The following CADPS2 variants were observed in gnomAD, a reference collection of about 807,000 sequenced individuals.
The protein encoded by CADPS2 is calcium dependent secretion activator 2.
Under a neutral mutation model 172.5 loss-of-function variants are expected in CADPS2, and 93 were observed. That is an observed-to-expected ratio of 0.54 (90% CI 0.46 to 0.64). The LOEUF (loss-of-function observed/expected upper bound fraction) is 0.64. CADPS2 is among the 30% of genes least tolerant of loss of function. CADPS2 has a pLI of 0.00. For missense variants in CADPS2, 1,420 were observed against 1,565.9 expected, an observed-to-expected ratio of 0.91 and a Z score of 1.57; for synonymous variants, 546 against 555.2, an observed-to-expected ratio of 0.98 and a Z score of 0.23.
At chr7:122,531,675 A>G (rs2061766902) in intron 8 of CADPS2, among the ~76,000 whole-genome samples, 1 of 152,176 alleles carries the variant, frequency 6.6e-6, no homozygotes, top group Non-Finnish European at 1.5e-5. Context: ...AGAGGATCAA[A>G]TGACCCAATA....
At position 122,700,980 on chromosome 7, in the gene CADPS2, C is replaced by G. The variant is rs78062341; in HGVS notation, c.453+35975G>C. On this transcript the variant is annotated intron_variant, in intron 2 of 29. Transcript: ENST00000449022. The stretch of plus-strand genomic sequence containing the variant: ...GTGAGTAGCTTTGGAAACTAGATTT[C>G]CTGGGTATTAATAAAATTAATTAAC... Among the ~76,000 whole-genome samples, 182 of 152,026 alleles carry G rather than the reference C, an allele frequency of 1.2e-3. 2 individuals carry two copies. Among genetic ancestry groups the G allele is most frequent in the East Asian group, 0.011 (57 of 5,160 alleles).
At chr7:122,827,992 G>A (rs1405876320) in intron 1 of CADPS2, among the ~76,000 whole-genome samples, 3 of 152,146 alleles carry the variant, frequency 2.0e-5, no homozygotes, top group African/African-American at 7.2e-5. Flanking sequence ...TATCAACACT[G>A]GCTTGAGAGG....
At chr7:122,618,395 G>C (rs192435568) in intron 5 of CADPS2, among the ~76,000 whole-genome samples, 1 of 151,798 alleles carries the variant, frequency 6.6e-6, no homozygotes, top group Admixed American at 6.6e-5. Flanking sequence ...TTATATTCTA[G>C]TAGAGAAAGC....
At chr7:122,335,242 T>C (rs2035660652) in intron 28 of CADPS2, among the ~76,000 whole-genome samples, 1 of 152,224 alleles carries the variant, frequency 6.6e-6, no homozygotes, top group Admixed American at 6.5e-5. Flanking sequence ...TCATTAAACT[T>C]ATACATTTAT....
chr7:122,500,073 C>T (rs1188307030), intron 9 of CADPS2, among the ~76,000 whole-genome samples: 1 of 152,180 alleles, frequency 6.6e-6, no homozygotes, highest in African/African-American at 2.4e-5. Context: ...TCCAGCAAGA[C>T]TCACCCACTT....
intron 3 of CADPS2, among the ~76,000 whole-genome samples, chr7:122,662,415 C>T (rs1206845031): frequency 6.9e-6 from 1 of 145,396 alleles, no homozygotes; most frequent in Non-Finnish European, 1.5e-5. Flanking sequence ...CTTACTTTGT[C>T]ACCAGGCTGG....
chr7:122,877,169 C>T (rs1381624124), intron 1 of CADPS2, among the ~76,000 whole-genome samples: 1 of 152,022 alleles, frequency 6.6e-6, no homozygotes. Context: ...CAAAACTAGG[C>T]ATTCACCTCT....
At chr7:122,578,704 A>T (rs993358949) in intron 7 of CADPS2, among the ~76,000 whole-genome samples, 1 of 152,134 alleles carries the variant, frequency 6.6e-6, no homozygotes, top group Non-Finnish European at 1.5e-5. Context: ...TTAAGGACAG[A>T]ATGTTGTGAT....
chr7:122,846,956 A>G (rs1161672907), intron 1 of CADPS2, among the ~76,000 whole-genome samples: 1 of 152,222 alleles, frequency 6.6e-6, no homozygotes, highest in African/African-American at 2.4e-5. Flanking sequence ...CTGACCCAGT[A>G]TGCCCGGCAG....
chr7:122,742,087 A>C (rs1283812628), intron 1 of CADPS2, among the ~76,000 whole-genome samples: 1 of 152,124 alleles, frequency 6.6e-6, no homozygotes, highest in African/African-American at 2.4e-5. Context: ...TCGCTATTAT[A>C]GCTTTTTTAA....
chr7:122,556,504 T>G (rs889536515), intron 7 of CADPS2, among the ~76,000 whole-genome samples: 1 of 152,148 alleles, frequency 6.6e-6, no homozygotes, highest in Admixed American at 6.6e-5. Flanking sequence ...TACCAAACTC[T>G]GAACTCTTAT....
intron 17 of CADPS2, chr7:122,425,904 G>A (rs1378864160): frequency 6.6e-6 from 1 of 152,094 alleles, no homozygotes; most frequent in Admixed American, 6.5e-5. Flanking sequence ...GGACCAACAC[G>A]CCTCCACTCT....
At chr7:122,514,339 G>T (rs2060201507) in intron 8 of CADPS2, among the ~76,000 whole-genome samples, 1 of 151,864 alleles carries the variant, frequency 6.6e-6, no homozygotes, top group Non-Finnish European at 1.5e-5. Flanking sequence ...TTTTTTTAAA[G>T]GAGCATTATG....
At chr7:122,637,780 G>A (rs1408487818) in intron 3 of CADPS2, among the ~76,000 whole-genome samples, 1 of 152,150 alleles carries the variant, frequency 6.6e-6, no homozygotes, top group African/African-American at 2.4e-5. Flanking sequence ...TCTTTTTCAT[G>A]TGTGAGGGCT....
In CADPS2 at chr7:122,600,427, G is replaced by A. The variant is rs567360272; in HGVS notation, c.1223+14754C>T. Among the ~76,000 whole-genome samples the A allele has an allele frequency of 2.6e-5, 4 of 152,152 alleles. No individual in the cohort carries two copies. In the East Asian group the frequency reaches 7.8e-4, roughly 30 times the overall value. On this transcript the variant is annotated intron_variant, in intron 6 of 29. Transcript: ENST00000449022. ...AAAATGTTAATGATGAAATTTTAAT[G>A]TAATCACCAATCTGTCTGATTATAG...
intron 14 of CADPS2, among the ~76,000 whole-genome samples, chr7:122,467,126 G>C (rs1021404258): frequency 2.0e-5 from 3 of 152,110 alleles, no homozygotes; most frequent in Non-Finnish European, 4.4e-5. Flanking sequence ...TTCTGCCTTT[G>C]CACATTTAGC....
chr7:122,480,457 C>T lies in CADPS2; in HGVS notation c.1861+395G>A, dbSNP rs538245217. Among the ~76,000 whole-genome samples the T allele has an allele frequency of 5.9e-5, 9 of 152,042 alleles. No homozygotes were observed. In the East Asian group the frequency reaches 1.2e-3, roughly 20 times the overall value. ...GAAATAAAGTAGCAACTAGTGCCTC[C>T]GATAAAACATATCCACTGAATATTT... On this transcript the variant is annotated intron_variant, in intron 12 of 29. Transcript: ENST00000449022.
At chr7:122,531,536 C>G (rs2061753378) in intron 8 of CADPS2, among the ~76,000 whole-genome samples, 1 of 152,118 alleles carries the variant, frequency 6.6e-6, no homozygotes. Flanking sequence ...AGTAGAGTCC[C>G]TATACTAATA....
chr7:122,744,141 G>C (rs989261289), intron 1 of CADPS2, among the ~76,000 whole-genome samples: 2 of 152,224 alleles, frequency 1.3e-5, no homozygotes, highest in African/African-American at 4.8e-5. Context: ...GTAACAGGTG[G>C]CTAAAGTAAA....
Sources: gnomAD v4.1 joint callset for allele counts (sites outside exome capture counted in the v4.1 genomes callset) on GRCh38, gnomAD v4.1.1 for gene constraint, MANE v1.5 for transcripts, NCBI Gene and HGNC (gene_info 2026-07-23, HGNC 2026-07-21) for gene names.